The following NUP160 variants were observed in gnomAD, a reference collection of about 807,000 sequenced individuals.
NUP160 encodes the protein nucleoporin 160.
A neutral mutation model predicts 196.9 loss-of-function variants in NUP160; 94 were observed. The ratio of observed to expected loss-of-function variants is 0.48; its 90% CI spans 0.40 to 0.57. The LOEUF (loss-of-function observed/expected upper bound fraction) is 0.57. Among genes scored for constraint, NUP160 ranks in the 20% least tolerant of loss-of-function variants. NUP160 has a pLI of 0.00. For missense variants in NUP160, 1,638 were observed against 1,748.3 expected (o/e 0.94, Z 1.13); for synonymous variants, 605 against 619.7 (o/e 0.98, Z 0.35).
intron 2 of NUP160, among the ~76,000 whole-genome samples, chr11:47,846,732 G>C (rs1379420613): frequency 6.6e-6 from 1 of 152,184 alleles, no homozygotes; most frequent in Non-Finnish European, 1.5e-5. Flanking sequence ...CCACAAAGTA[G>C]ACTGAGATCT....
intron 10 of NUP160, among the ~76,000 whole-genome samples, chr11:47,819,051 C>T (rs1019895667): frequency 6.6e-6 from 1 of 152,000 alleles, no homozygotes; most frequent in African/African-American, 2.4e-5. Context: ...CGGTGGCTCA[C>T]GACTGTAATC....
At chr11:47,842,633 T>A (rs1046165600) in intron 2 of NUP160, among the ~76,000 whole-genome samples, 4 of 152,124 alleles carry the variant, frequency 2.6e-5, no homozygotes, top group African/African-American at 9.7e-5. Context: ...TCACTGCAGT[T>A]GATTTTAGCT....
At chr11:47,821,800 A>G in exon 9 of NUP160, 1 of 1,614,006 alleles carries the variant, frequency 6.2e-7, no homozygotes, top group Admixed American at 1.7e-5. Flanking sequence ...GTGGAAGTTA[A>G]GGCAAAGTCA....
exon 4 of NUP160, chr11:47,839,998 G>A: frequency 6.2e-7 from 1 of 1,614,110 alleles, no homozygotes; most frequent in Non-Finnish European, 8.5e-7. Context: ...ATAGTTGCAA[G>A]GATCTGTGAA....
rs540295812 is a variant in NUP160 at position 47,835,748 on chromosome 11, C to T, written c.1004G>A (p.Arg335Gln). 1.8e-5 allele frequency: 29 copies of T among 1,604,846 alleles called. 1 individual carries two copies. Among genetic ancestry groups the T allele is most frequent in the South Asian group, 1.7e-4 (15 of 88,614 alleles). Residue 335 changes from arginine to glutamine, a missense_variant, in exon 7 of 36, where the codon CGG becomes CAG. Around this residue, in one of 3 missense-constraint regions of NUP160, gnomAD observed 1,345 missense variants for 1,470.2 expected, o/e 0.91. Transcript: ENST00000378460. The stretch of plus-strand genomic sequence containing the variant: ...TTTGTGTCCAGTTCCAGCAGTAAGC[C>T]GAAGGTCTTTCTTCACAGGGACATA...
At chr11:47,824,050 TATAC>T (rs202229968) in intron 7 of NUP160, among the ~76,000 whole-genome samples, 4,900 of 98,916 alleles carry the variant, frequency 0.05, 194 homozygotes, top group Non-Finnish European at 0.07. Context: ...TATATATATA[TATAC>T]ACACACACAT....
chr11:47,826,126 T>C (rs531022118), intron 7 of NUP160, among the ~76,000 whole-genome samples: 1 of 152,000 alleles, frequency 6.6e-6, no homozygotes, highest in South Asian at 2.1e-4. Context: ...ATTTAGCAGG[T>C]CTCAAACAGC....
intron 7 of NUP160, among the ~76,000 whole-genome samples, chr11:47,824,040 T>TAC (rs1851918373): frequency 2.4e-5 from 3 of 126,446 alleles, no homozygotes; most frequent in Non-Finnish European, 5.0e-5. Context: ...TATATATATA[T>TAC]ATATATATAT....
chr11:47,788,928 G>A (rs891159032), intron 29 of NUP160, among the ~76,000 whole-genome samples: 1 of 151,160 alleles, frequency 6.6e-6, no homozygotes. Flanking sequence ...CCAGGCTGGA[G>A]TGCAGTGGCA....
chr11:47,806,465 T>TA, intron 19 of NUP160, 153 bp from the exon 20 acceptor site: 1 of 572,110 alleles, frequency 1.7e-6, no homozygotes. Flanking sequence ...GCAATATAAA[T>TA]AAAAGTAGTC....
chr11:47,824,016 T>TGC (rs1166235244), intron 7 of NUP160, among the ~76,000 whole-genome samples: 6 of 45,208 alleles, frequency 1.3e-4, no homozygotes, highest in African/African-American at 2.7e-4. Context: ...TGCATATATA[T>TGC]ATATATATAT....
chr11:47,807,277 T>C (rs1379749024), intron 18 of NUP160, 137 bp from the exon 19 acceptor site: 2 of 607,928 alleles, frequency 3.3e-6, no homozygotes, highest in Non-Finnish European at 5.8e-6. Flanking sequence ...ACAAAAAAAA[T>C]TGGAAATCAT....
chr11:47,823,445 A>G lies in NUP160; in HGVS notation c.1102-1281T>C, dbSNP rs200957151. 2.0e-5 allele frequency among the ~76,000 whole-genome samples: 3 copies of G among 152,226 alleles called. No individual in the cohort carries two copies. The East Asian group carries it at 5.8e-4, about 29-fold the overall frequency. On this transcript the variant is annotated intron_variant, in intron 7 of 35. Transcript: ENST00000378460. ...TACTCCATGTAAGTGGAAGGGTCAT[A>G]TATTATTTGTGTTTTTGTGACTGGT...
intron 7 of NUP160, 61 bp downstream of exon 7, chr11:47,835,590 A>T: frequency 7.3e-7 from 1 of 1,371,804 alleles, no homozygotes. Flanking sequence ...CTGAGTCTAC[A>T]GCCATTTCTC....
At chr11:47,836,832 T>C in intron 6 of NUP160, 55 bp downstream of exon 6, 1 of 1,103,262 alleles carries the variant, frequency 9.1e-7, no homozygotes, top group Non-Finnish European at 1.4e-6. Context: ...TTACTTCAAT[T>C]CTCATGATTC....
intron 33 of NUP160, among the ~76,000 whole-genome samples, chr11:47,783,488 T>A (rs1297021652): frequency 1.3e-5 from 2 of 152,216 alleles, no homozygotes; most frequent in African/African-American, 4.8e-5. Context: ...TATTTTAACT[T>A]CTCTCCACTT....
At chr11:47,806,381 C>T in intron 19 of NUP160, 69 bp from the exon 20 acceptor site, 2 of 1,256,576 alleles carry the variant, frequency 1.6e-6, no homozygotes, top group Non-Finnish European at 1.1e-6. Context: ...AATAGTCTAT[C>T]AATTCATTTT....
Position 47,819,477 on chromosome 11 carries a change from A to G in NUP160, c.1278-19T>C, listed in dbSNP as rs766887536. On this transcript the variant is annotated intron_variant, in intron 9 of 35. Transcript: ENST00000378460. ...AACATTACTAGAGACAAAAAAGTCC[A>G]CCAGTTTATACAGAAATGATCACTA... The G allele has an allele frequency of 1.8e-5, 28 of 1,543,700 alleles. No homozygotes were observed. The highest frequency in any genetic ancestry group is 2.7e-6 in the Non-Finnish European group (3 of 1,116,016).
chr11:47,830,254 T>C (rs953779450), intron 7 of NUP160, among the ~76,000 whole-genome samples: 1 of 152,202 alleles, frequency 6.6e-6, no homozygotes, highest in African/African-American at 2.4e-5. Flanking sequence ...ATTTATACAA[T>C]GTTGGTGGGA....
Sources: allele counts gnomAD v4.1 joint callset (sites outside exome capture counted in the v4.1 genomes callset), GRCh38; gene constraint gnomAD v4.1.1; regional missense constraint gnomAD v4.1.1; transcripts MANE v1.5; gene names NCBI Gene and HGNC (gene_info 2026-07-23, HGNC 2026-07-21).